ZC2HC1B: variants seen among roughly 807,000 people sequenced by gnomAD.
The protein encoded by ZC2HC1B is zinc finger C2HC-type containing 1B.
Under a neutral mutation model 31.0 loss-of-function variants are expected in ZC2HC1B, and 36 were observed. The ratio of observed to expected loss-of-function variants is 1.16; its 90% CI spans 0.89 to 1.54. The LOEUF (loss-of-function observed/expected upper bound fraction) is 1.54, where lower values mean the gene tolerates loss of function less well. Among genes scored for constraint, ZC2HC1B ranks in the 40% most tolerant of loss-of-function variants. ZC2HC1B has a pLI of 0.00. For synonymous variants in ZC2HC1B, 73 were observed against 88.0 expected (o/e 0.83, Z 0.95); for missense variants, 260 against 268.6 (o/e 0.97, Z 0.22).
intron 4 of ZC2HC1B, among the ~76,000 whole-genome samples, chr6:143,888,934 T>C (rs1355643906): frequency 6.6e-6 from 1 of 152,036 alleles, no homozygotes; most frequent in African/African-American, 2.4e-5. Context: ...CTATATCGAA[T>C]AGGAGTGGCA....
Position 143,884,046 on chromosome 6 carries a change from A to C in ZC2HC1B, c.29-258A>C, listed in dbSNP as rs1305881518. Among the ~76,000 whole-genome samples the C allele has an allele frequency of 6.6e-6, 1 of 152,232 alleles. No individual in the cohort carries two copies. The highest frequency in any genetic ancestry group is 1.5e-5 in the Non-Finnish European group (1 of 68,046). ...CACTTCATGTAAGAATATATTAAAT[A>C]TTAAATCAAATAATTATACTCTGGT... is the stretch of plus-strand genomic sequence containing the variant. On this transcript the variant is annotated intron_variant, in intron 1 of 7. Transcript: ENST00000237275. This position sits in a 1 kb window ranked among gnomAD's most constrained non-coding sequence, Gnocchi z 5.1.
chr6:143,926,682 C>T (rs377578463), intron 6 of ZC2HC1B, among the ~76,000 whole-genome samples: 45 of 152,004 alleles, frequency 3.0e-4, no homozygotes, highest in African/African-American at 8.2e-4. Context: ...TCTGTCTTGA[C>T]GATCTGTCTA....
In ZC2HC1B at chr6:143,874,018, C is replaced by T. The variant is rs542022114; in HGVS notation, c.28+9451C>T. On this transcript the variant is annotated intron_variant, in intron 1 of 7. Coordinates refer to ENST00000237275, the MANE Select transcript of ZC2HC1B (RefSeq NM_001013623.3). ...AGTTGCAAATTTTCTGAACTTTTAT[C>T]GTCTATTTCCCTTTTAAAATGGAAT... 2.0e-4 allele frequency among the ~76,000 whole-genome samples: 30 copies of T among 152,260 alleles called. No individual in the cohort carries two copies. In the East Asian group the frequency reaches 3.5e-3, roughly 18 times the overall value.
At position 143,937,684 on chromosome 6, in the gene ZC2HC1B, A is replaced by T; in HGVS notation, c.634A>T (p.Arg212Ter). 6.4e-7 allele frequency: 1 copy of T among 1,551,280 alleles called. No individual in the cohort carries two copies. The highest frequency in any genetic ancestry group is 1.4e-5 in the African/African-American group (1 of 73,160). The change falls in exon 7 of 8, where the codon AGA becomes TGA. Residue 212 changes from arginine to a stop codon, truncating the protein, a stop_gained. Coordinates refer to ENST00000237275, the MANE Select transcript of ZC2HC1B (RefSeq NM_001013623.3). LOFTEE classifies it high-confidence loss of function. ...AMDPASGAKLRQGFSKSSKKD is the reference protein window; with the variant it reads ...AMDPASGAKL The stretch of plus-strand genomic sequence containing the variant: ...GGACCCTGCTTCTGGAGCAAAACTC[A>T]GACAAGGATTTAGTAAATCTTCTAA...
chr6:143,892,734 A>C (rs555381017), intron 4 of ZC2HC1B, among the ~76,000 whole-genome samples: 109 of 152,346 alleles, frequency 7.2e-4, no homozygotes, highest in African/African-American at 2.4e-3. Context: ...ACTGCCTCCG[A>C]CACTGAAGAT....
At chr6:143,927,820 A>G (rs909378088) in intron 6 of ZC2HC1B, among the ~76,000 whole-genome samples, 4 of 152,146 alleles carry the variant, frequency 2.6e-5, no homozygotes, top group African/African-American at 9.7e-5. Context: ...TGACTTTTTA[A>G]CAGTAGCCAT....
intron 6 of ZC2HC1B, among the ~76,000 whole-genome samples, chr6:143,907,105 A>G (rs897236558): frequency 2.0e-5 from 3 of 152,200 alleles, no homozygotes; most frequent in African/African-American, 7.2e-5. Flanking sequence ...TGCAAAGGAC[A>G]CCATCTCATT....
At chr6:143,889,570 A>G (rs1403348604) in intron 4 of ZC2HC1B, among the ~76,000 whole-genome samples, 1 of 152,186 alleles carries the variant, frequency 6.6e-6, no homozygotes, top group Admixed American at 6.5e-5. Flanking sequence ...CAGGGCAAGT[A>G]TTAACAGATG....
At position 143,924,371 on chromosome 6, in the gene ZC2HC1B, C is replaced by CAT. The variant is rs935955234; in HGVS notation, c.599-13269_599-13268dup. Among the ~76,000 whole-genome samples the CAT allele has an allele frequency of 7.3e-4, 110 of 150,678 alleles. No homozygotes were observed. The highest frequency in any genetic ancestry group is 2.6e-3 in the African/African-American group (105 of 41,134). On this transcript the variant is annotated intron_variant, in intron 6 of 7. Coordinates refer to ENST00000237275, the MANE Select transcript of ZC2HC1B (RefSeq NM_001013623.3). This position sits in a 1 kb window ranked among gnomAD's most constrained non-coding sequence, Gnocchi z 5.2. The stretch of plus-strand genomic sequence containing the variant: ...GTTTTATATATATATATATGTATTA[C>CAT]ATATATATATCCATGTATATATAAT...
chr6:143,886,230 AT>A lies in ZC2HC1B; in HGVS notation c.210+84del. 1 of 1,354,716 alleles carries A rather than the reference AT, an allele frequency of 7.4e-7. No homozygotes were observed. Among genetic ancestry groups the A allele is most frequent in the Non-Finnish European group, 9.5e-7 (1 of 1,049,522 alleles). The allele number at this position is 1,354,716 out of a possible 1,614,324, so 83.9% of individuals were successfully genotyped here. A position where few individuals can be genotyped will look rare whatever the true frequency, so the allele number is the denominator to read the frequency against. ...GCCTATTTCTGGGATTTCTGGTTTC[AT>A]TTTTGCTTGATAATACAGTAATGTA... On this transcript the variant is annotated intron_variant, in intron 3 of 7. Transcript: ENST00000237275. The surrounding 1 kb of genome is among the most constrained non-coding windows in gnomAD (Gnocchi z 4.2).
At position 143,864,687 on chromosome 6, in the gene ZC2HC1B, T is replaced by G; in HGVS notation, c.28+120T>G. ...CTACCATGTGTGATCCGTTTAAATC[T>G]AAGTATTGTAGGATTTTTAAAGAGT... On this transcript the variant is annotated intron_variant, in intron 1 of 7. Transcript: ENST00000237275. 2.7e-6 allele frequency: 3 copies of G among 1,109,842 alleles called. No individual in the cohort carries two copies. In the South Asian group the frequency reaches 4.5e-5, roughly 17 times the overall value. 68.7% of individuals were successfully genotyped at this position (1,109,842 alleles called of 1,614,324 possible). A position where few individuals can be genotyped will look rare whatever the true frequency, so the allele number is the denominator to read the frequency against.
chr6:143,882,334 T>TATATATATATATATATATATA lies in ZC2HC1B; in HGVS notation c.29-1970_29-1969insATATATATATATATATATATA, dbSNP rs1554237238. On this transcript the variant is annotated intron_variant, in intron 1 of 7. Transcript: ENST00000237275. ...AATATGTATACATATTTTATATTTT[T>TATATATATATATATATATATA]TATATATATATATATATATATATAT... Among the ~76,000 whole-genome samples the TATATATATATATATATATATA allele has an allele frequency of 1.8e-3, 154 of 85,456 alleles. 1 individual carries two copies. Among genetic ancestry groups the TATATATATATATATATATATA allele is most frequent in the African/African-American group, 4.7e-3 (74 of 15,642 alleles). 56.1% of individuals were successfully genotyped at this position (85,456 alleles called of 152,430 possible). A position where few individuals can be genotyped will look rare whatever the true frequency, so the allele number is the denominator to read the frequency against.
Position 143,885,692 on chromosome 6 carries a change from C to G in ZC2HC1B, c.91-340C>G, listed in dbSNP as rs957259727. Among the ~76,000 whole-genome samples the G allele has an allele frequency of 2.0e-5, 3 of 152,130 alleles. No individual in the cohort carries two copies. Among genetic ancestry groups the G allele is most frequent in the African/African-American group, 7.2e-5 (3 of 41,380 alleles). On this transcript the variant is annotated intron_variant, in intron 2 of 7. Coordinates refer to ENST00000237275, the MANE Select transcript of ZC2HC1B (RefSeq NM_001013623.3). The surrounding 1 kb of genome is among the most constrained non-coding windows in gnomAD (Gnocchi z 4.2). ...ACACAGGGAAAGCTCTGCATGTTAG[C>G]TCTTCAGTTTTTGTATCAGAAATGT...
intron 1 of ZC2HC1B, among the ~76,000 whole-genome samples, chr6:143,882,334 T>TTTATATATATATATATATATATATATATA (rs1554237237): frequency 1.2e-5 from 1 of 85,532 alleles, no homozygotes; most frequent in African/African-American, 6.4e-5. Context: ...TTTATATTTT[T>TTTATATATATATATATATATATATATATA]TATATATATA....
rs1391116577 is a variant in ZC2HC1B, at chr6:143,923,834, T to C, written c.599-13815T>C. On this transcript the variant is annotated intron_variant, in intron 6 of 7. Coordinates refer to ENST00000237275, the MANE Select transcript of ZC2HC1B (RefSeq NM_001013623.3). This position sits in a 1 kb window ranked among gnomAD's most constrained non-coding sequence, Gnocchi z 4.8. ...GTCTGTTTTTATACCAATATCTTGC[T>C]GTTTTAGTTACTACAGCTTTTTAAT... Among the ~76,000 whole-genome samples the C allele has an allele frequency of 6.6e-6, 1 of 152,116 alleles. No homozygotes were observed. The highest frequency in any genetic ancestry group is 2.4e-5 in the African/African-American group (1 of 41,448).
chr6:143,889,605 A>G (rs564663439), intron 4 of ZC2HC1B, among the ~76,000 whole-genome samples: 1 of 152,282 alleles, frequency 6.6e-6, no homozygotes, highest in African/African-American at 2.4e-5. Context: ...AAATACATCA[A>G]GAAGACCTAT....
chr6:143,890,749 G>C (rs1010280948), intron 4 of ZC2HC1B, among the ~76,000 whole-genome samples: 1 of 152,100 alleles, frequency 6.6e-6, no homozygotes, highest in African/African-American at 2.4e-5. Context: ...AAAGCTACTG[G>C]AATTAAAGTG....
chr6:143,936,404 C>T (rs950766468), intron 6 of ZC2HC1B, among the ~76,000 whole-genome samples: 3 of 152,070 alleles, frequency 2.0e-5, no homozygotes, highest in East Asian at 1.9e-4. Context: ...GAGCTTTGTA[C>T]GTTTTGGGAA....
At chr6:143,902,962 G>A in intron 5 of ZC2HC1B, 82 bp from the exon 6 acceptor site, 1 of 1,298,728 alleles carries the variant, frequency 7.7e-7, no homozygotes, top group South Asian at 1.3e-5. Context: ...CTGGTTAAGT[G>A]GGAACAGCTG....
Sources: gnomAD v4.1 joint callset for allele counts (sites outside exome capture counted in the v4.1 genomes callset) on GRCh38, gnomAD v4.1.1 for gene constraint, Gnocchi (gnomAD v3.1) non-coding constraint, MANE v1.5 for transcripts, NCBI Gene and HGNC (gene_info 2026-07-23, HGNC 2026-07-21) for gene names.